The following MYO1D variants were observed in gnomAD, a reference collection of about 807,000 sequenced individuals.
The protein encoded by MYO1D is unconventional myosin-Id.
In MYO1D, 83 loss-of-function variants were observed where a neutral mutation model predicts 122.0. That is an observed-to-expected ratio of 0.68 (90% CI 0.57 to 0.82). The LOEUF is 0.82. Ranked by LOEUF, MYO1D falls within the 40% of genes least tolerant of loss-of-function variation. The pLI is 0.00. For missense variants in MYO1D, 1,157 were observed against 1,269.5 expected, an observed-to-expected ratio of 0.91 and a Z score of 1.35; for synonymous variants, 464 against 446.9, an observed-to-expected ratio of 1.04 and a Z score of -0.48.
chr17:32,869,805 C>T (rs972204625), intron 1 of MYO1D, among the ~76,000 whole-genome samples: 3 of 151,116 alleles, frequency 2.0e-5, no homozygotes, highest in Admixed American at 6.6e-5. Flanking sequence ...TGGTGGTGTG[C>T]GCCTGTAGTC....
At chr17:32,626,170 C>T (rs1300877165) in intron 20 of MYO1D, among the ~76,000 whole-genome samples, 3 of 152,194 alleles carry the variant, frequency 2.0e-5, no homozygotes, top group Non-Finnish European at 4.4e-5. Flanking sequence ...GATGTATGCT[C>T]GCACCACCAG....
At chr17:32,806,880 T>C (rs2090518552) in intron 1 of MYO1D, among the ~76,000 whole-genome samples, 1 of 152,312 alleles carries the variant, frequency 6.6e-6, no homozygotes, top group South Asian at 2.1e-4. Context: ...AAAGGAGTGG[T>C]GCAGAGTCAA....
At chr17:32,614,765 A>G (rs151060606) in intron 20 of MYO1D, among the ~76,000 whole-genome samples, 51 of 152,316 alleles carry the variant, frequency 3.3e-4, no homozygotes, top group African/African-American at 1.2e-3. Flanking sequence ...TGAAAGCAAC[A>G]ACTTGCTTGA....
In MYO1D at chr17:32,790,463, T is replaced by G. The variant is rs77463331; in HGVS notation, c.96-9679A>C. Among the ~76,000 whole-genome samples, 561 of 152,338 alleles carry G rather than the reference T, an allele frequency of 3.7e-3. 5 individuals are homozygous for G. Among genetic ancestry groups the G allele is most frequent in the Non-Finnish European group, 5.5e-3 (377 of 68,028 alleles). On this transcript the variant is annotated intron_variant, in intron 1 of 21. Transcript: ENST00000318217. ...TCCCCCATCATTCCACACCTGTATG[T>G]TTCCTTTGTAATACCGGTCACAAGT...
intron 1 of MYO1D, among the ~76,000 whole-genome samples, chr17:32,785,056 G>A (rs2090279913): frequency 6.6e-6 from 1 of 152,182 alleles, no homozygotes; most frequent in Non-Finnish European, 1.5e-5. Flanking sequence ...TGCTCAGTGG[G>A]GGGAATGGTA....
chr17:32,618,291 T>C (rs909905585), intron 20 of MYO1D, among the ~76,000 whole-genome samples: 1 of 152,234 alleles, frequency 6.6e-6, no homozygotes, highest in Non-Finnish European at 1.5e-5. Context: ...TGTAATCAAC[T>C]GATTAAAAGG....
At chr17:32,641,435 C>T (rs964579733) in intron 19 of MYO1D, among the ~76,000 whole-genome samples, 12 of 151,902 alleles carry the variant, frequency 7.9e-5, no homozygotes, top group South Asian at 2.1e-4. Context: ...ATTTATAATC[C>T]TTAGCATATA....
In MYO1D at chr17:32,852,253, G is replaced by A. The variant is rs117171496; in HGVS notation, c.95+24525C>T. 4.2e-3 allele frequency among the ~76,000 whole-genome samples: 643 copies of A among 152,184 alleles called. 23 individuals are homozygous for A. In the East Asian group the frequency reaches 0.073, roughly 17 times the overall value. ...AGATTCTCTCACCTCAGTCTCCCCA[G>A]TAGCTGGGACTACGGGCACATGCTA... On this transcript the variant is annotated intron_variant, in intron 1 of 21. Coordinates refer to ENST00000318217, the MANE Select transcript of MYO1D (RefSeq NM_015194.3).
chr17:32,865,678 C>T (rs552347026), intron 1 of MYO1D, among the ~76,000 whole-genome samples: 2 of 152,262 alleles, frequency 1.3e-5, no homozygotes, highest in African/African-American at 2.4e-5. Context: ...AAGTGAAATC[C>T]ATTTCTATAT....
At chr17:32,787,982 T>C (rs950070609) in intron 1 of MYO1D, among the ~76,000 whole-genome samples, 6 of 152,224 alleles carry the variant, frequency 3.9e-5, no homozygotes, top group Non-Finnish European at 7.3e-5. Context: ...ACATTTTCTT[T>C]ATCCACTCAT....
intron 21 of MYO1D, among the ~76,000 whole-genome samples, chr17:32,553,854 G>T (rs1219404468): frequency 6.6e-6 from 1 of 152,106 alleles, no homozygotes; most frequent in South Asian, 2.1e-4. Context: ...ACACTCCCCA[G>T]TACAGACTCC....
At chr17:32,739,059 T>C (rs2089743522) in intron 13 of MYO1D, among the ~76,000 whole-genome samples, 1 of 152,210 alleles carries the variant, frequency 6.6e-6, no homozygotes, top group African/African-American at 2.4e-5. Flanking sequence ...TAAAATTGTA[T>C]ATTCATAATT....
intron 21 of MYO1D, among the ~76,000 whole-genome samples, chr17:32,530,684 C>A (rs966060058): frequency 2.0e-5 from 3 of 152,050 alleles, no homozygotes; most frequent in African/African-American, 7.2e-5. Flanking sequence ...GCCTGTAGTC[C>A]CAGCTACTTG....
chr17:32,727,575 G>A (rs1381507694), intron 14 of MYO1D: 1 of 152,060 alleles, frequency 6.6e-6, no homozygotes, highest in African/African-American at 2.4e-5. Context: ...AGCTGTCAAG[G>A]GGAAGGAATA....
At chr17:32,691,812 G>C (rs2089105337) in intron 16 of MYO1D, among the ~76,000 whole-genome samples, 1 of 152,090 alleles carries the variant, frequency 6.6e-6, no homozygotes, top group Non-Finnish European at 1.5e-5. Flanking sequence ...ATAATTTTTA[G>C]ATTTTTTGGA....
chr17:32,645,569 C>T (rs9895161), intron 19 of MYO1D, among the ~76,000 whole-genome samples: 5,318 of 152,192 alleles, frequency 0.035, 269 homozygotes, highest in African/African-American at 0.11. Context: ...TCTTTTCACA[C>T]AGTCCCATAT....
At chr17:32,651,648 C>T (rs1336671988) in intron 19 of MYO1D, among the ~76,000 whole-genome samples, 1 of 150,376 alleles carries the variant, frequency 6.6e-6, no homozygotes, top group Admixed American at 6.6e-5. Flanking sequence ...TTGTCCTTTT[C>T]TCCCCACATA....
At chr17:32,619,600 A>T (rs1004439843) in intron 20 of MYO1D, among the ~76,000 whole-genome samples, 2 of 152,208 alleles carry the variant, frequency 1.3e-5, no homozygotes, top group Non-Finnish European at 2.9e-5. Flanking sequence ...AAGCTCCCCA[A>T]GTGATTCAAA....
intron 16 of MYO1D, among the ~76,000 whole-genome samples, chr17:32,664,170 A>G (rs1013512863): frequency 6.6e-6 from 1 of 152,346 alleles, no homozygotes; most frequent in South Asian, 2.1e-4. Flanking sequence ...AAAATGATTC[A>G]TGCATTTTCC....
Sources: gnomAD v4.1 joint callset for allele counts (sites outside exome capture counted in the v4.1 genomes callset) on GRCh38, gnomAD v4.1.1 for gene constraint, MANE v1.5 for transcripts, NCBI Gene and HGNC (gene_info 2026-07-23, HGNC 2026-07-21) for gene names.